ALPK2: variants seen among roughly 807,000 people sequenced by gnomAD.
The protein encoded by ALPK2 is alpha kinase 2, also known as alpha-protein kinase 2.
A neutral mutation model predicts 163.1 loss-of-function variants in ALPK2; 127 were observed. That is an observed-to-expected ratio of 0.78 (90% CI 0.67 to 0.90). ALPK2 has a LOEUF of 0.90. ALPK2 is among the 40% of genes least tolerant of loss of function. ALPK2 has a pLI of 0.00. For missense variants in ALPK2, 2,360 were observed against 2,589.6 expected (o/e 0.91, Z 1.92); for synonymous variants, 953 against 959.1 (o/e 0.99, Z 0.12).
chr18:58,626,190 AG>A, intron 1 of ALPK2, among the ~76,000 whole-genome samples: 1 of 152,140 alleles, frequency 6.6e-6, no homozygotes, highest in Non-Finnish European at 1.5e-5. Flanking sequence ...AGTAAAAACA[AG>A]GGGCAACAAG....
In ALPK2 at chr18:58,535,631, C is replaced by G. The variant is rs1423493975; in HGVS notation, c.4556G>C (p.Gly1519Ala). 6.2e-7 allele frequency: 1 copy of G among 1,614,218 alleles called. No homozygotes were observed. Residue 1519 changes from glycine (G) to alanine (A), a missense_variant, in exon 5 of 13, where the codon GGG becomes GCG. Physicochemically the swap from Gly to Ala is moderately conservative, Grantham distance 60. Transcript: ENST00000361673. Reference sequence around the variant, plus strand: ...GCTTTGCTCAGCCTCCCCTAAGCTCCCATCACTGCTTTCTTGTATTTGGCC... The same window carrying G: ...GCTTTGCTCAGCCTCCCCTAAGCTCGCATCACTGCTTTCTTGTATTTGGCC... ...SIGQIQESSD[G>A]SLGEAEQSKK...
chr18:58,585,002 A>T (rs2051978292), intron 3 of ALPK2, among the ~76,000 whole-genome samples: 1 of 152,214 alleles, frequency 6.6e-6, no homozygotes, highest in Non-Finnish European at 1.5e-5. Context: ...GGCGGAGGGA[A>T]GCAGTAACAT....
At chr18:58,517,237 G>C in intron 8 of ALPK2, 55 bp from the exon 9 acceptor site, 1 of 1,563,098 alleles carries the variant, frequency 6.4e-7, no homozygotes, top group Non-Finnish European at 8.7e-7. Flanking sequence ...CTGCTCCTTG[G>C]CTAACTCCAC....
chr18:58,537,091 A>C lies in ALPK2; in HGVS notation c.3096T>G (p.His1032Gln), dbSNP rs143254374. The C allele has an allele frequency of 2.7e-4, 431 of 1,614,092 alleles. 1 individual carries two copies. The highest frequency in any genetic ancestry group is 3.4e-4 in the Non-Finnish European group (404 of 1,180,038). The stretch of plus-strand genomic sequence containing the variant: ...GGAACCTCTCCTCAGTGCCACCTGC[A>C]TGCTTGTCCTCAGGAATTGACACAG... ...YLAVSIPEDK[H>Q]AGGTEERFPR... The change falls in exon 5 of 13, where the codon CAT becomes CAG. Residue 1032 changes from histidine (H) to glutamine (Q), a missense_variant. By Grantham distance (24) the His-to-Gln change is conservative (BLOSUM62 0). Coordinates refer to ENST00000361673, the MANE Select transcript of ALPK2 (RefSeq NM_052947.4).
intron 3 of ALPK2, among the ~76,000 whole-genome samples, chr18:58,600,371 T>C (rs1217186580): frequency 6.6e-6 from 1 of 152,146 alleles, no homozygotes; most frequent in Non-Finnish European, 1.5e-5. Flanking sequence ...TCACCTATAC[T>C]CATTTGCCCA....
chr18:58,613,331 T>C (rs1369938469), intron 1 of ALPK2, among the ~76,000 whole-genome samples: 2 of 152,070 alleles, frequency 1.3e-5, no homozygotes, highest in African/African-American at 2.4e-5. Flanking sequence ...CGGTTCAAGA[T>C]GAAAATGAGG....
At chr18:58,485,616 A>G (rs2051334638) in intron 12 of ALPK2, among the ~76,000 whole-genome samples, 1 of 152,232 alleles carries the variant, frequency 6.6e-6, no homozygotes. Flanking sequence ...AGAGTGGGAA[A>G]TCGTCTACTG....
intron 1 of ALPK2, among the ~76,000 whole-genome samples, chr18:58,627,370 C>T (rs1363014674): frequency 6.6e-6 from 1 of 152,196 alleles, no homozygotes; most frequent in Non-Finnish European, 1.5e-5. Flanking sequence ...CCTGTAATCC[C>T]AAGACTTTGG....
At chr18:58,567,228 A>G (rs866588661) in intron 4 of ALPK2, among the ~76,000 whole-genome samples, 7 of 151,946 alleles carry the variant, frequency 4.6e-5, no homozygotes, top group Admixed American at 2.0e-4. Context: ...TCTACTTAAA[A>G]AAAAAAAAGG....
intron 8 of ALPK2, 64 bp from the exon 9 acceptor site, chr18:58,517,246 A>C: frequency 1.9e-6 from 3 of 1,540,876 alleles, no homozygotes; most frequent in Non-Finnish European, 1.8e-6. Flanking sequence ...GGCTAACTCC[A>C]CATGGGGAGG....
At position 58,579,559 on chromosome 18, in the gene ALPK2, T is replaced by C; in HGVS notation, c.1217A>G (p.Gln406Arg). 1 of 1,613,452 alleles carries C rather than the reference T, an allele frequency of 6.2e-7. No individual in the cohort carries two copies. Residue 406 changes from glutamine (Q) to arginine (R), a missense_variant, in exon 4 of 13, where the codon CAA becomes CGA. By Grantham distance (43) the Gln-to-Arg change is conservative. Transcript: ENST00000361673. ...GCTCCTCACCCCAACTTCTTGGGGT[T>C]GTGAGTGATGACCACAGAAGCCAGC... ...ATAGFCGHHS[Q>R]PQEVGVRSSR...
intron 4 of ALPK2, among the ~76,000 whole-genome samples, chr18:58,556,052 C>A (rs546399236): frequency 6.6e-6 from 1 of 152,210 alleles, no homozygotes; most frequent in South Asian, 2.1e-4. Flanking sequence ...AAACTCCTGA[C>A]CTCAAGTGAT....
chr18:58,596,454 G>A (rs76761846), intron 3 of ALPK2, among the ~76,000 whole-genome samples: 6 of 152,318 alleles, frequency 3.9e-5, no homozygotes, highest in Admixed American at 1.3e-4. Flanking sequence ...TCAAGGAGCA[G>A]CTCCAACAGG....
rs1170438208 is a variant in ALPK2 at position 58,537,816 on chromosome 18, C to T, written c.2371G>A (p.Val791Met). The T allele has an allele frequency of 1.2e-6, 2 of 1,614,058 alleles. No individual in the cohort carries two copies. Among genetic ancestry groups the T allele is most frequent in the African/African-American group, 2.7e-5 (2 of 74,918 alleles). ...PTDTALTLEN[V>M]CDEPRDREAV... ...TCTCTGTCCCTTGGCTCATCACACA[C>T]ATTTTCCAGGGTGAGGGCAGTATCT... The change falls in exon 5 of 13, where the codon GTG becomes ATG. Residue 791 changes from valine to methionine, a missense_variant. Transcript: ENST00000361673.
At chr18:58,576,996 C>G (rs1340611032) in intron 4 of ALPK2, among the ~76,000 whole-genome samples, 1 of 152,184 alleles carries the variant, frequency 6.6e-6, no homozygotes, top group African/African-American at 2.4e-5. Flanking sequence ...TTAGTCACAC[C>G]ACAGCGCACA....
chr18:58,530,761 A>AC (rs2051609619), intron 5 of ALPK2, among the ~76,000 whole-genome samples: 1 of 152,184 alleles, frequency 6.6e-6, no homozygotes, highest in South Asian at 2.1e-4. Context: ...ACAGAGGTGG[A>AC]AAGTGCAGCT....
chr18:58,613,036 C>A (rs888013649), intron 1 of ALPK2, among the ~76,000 whole-genome samples: 1 of 152,212 alleles, frequency 6.6e-6, no homozygotes, highest in African/African-American at 2.4e-5. Flanking sequence ...CAAATTAAAG[C>A]AGCCACAGCT....
intron 3 of ALPK2, among the ~76,000 whole-genome samples, chr18:58,600,265 G>C (rs1021253814): frequency 1.3e-5 from 2 of 152,142 alleles, no homozygotes. Context: ...TTGAACTCCT[G>C]ACCTCAAGAG....
At chr18:58,596,015 T>C (rs1446894825) in intron 3 of ALPK2, among the ~76,000 whole-genome samples, 1 of 152,182 alleles carries the variant, frequency 6.6e-6, no homozygotes, top group Non-Finnish European at 1.5e-5. Flanking sequence ...ACATCAGCTG[T>C]CACTCCACTA....
Sources: gnomAD v4.1 joint callset for allele counts (sites outside exome capture counted in the v4.1 genomes callset) on GRCh38, gnomAD v4.1.1 for gene constraint, MANE v1.5 for transcripts, NCBI Gene and HGNC (gene_info 2026-07-23, HGNC 2026-07-21) for gene names.